ENDOU: variants seen among roughly 807,000 people sequenced by gnomAD.
The protein encoded by ENDOU is uridylate-specific endoribonuclease.
A neutral mutation model predicts 54.2 loss-of-function variants in ENDOU; 49 were observed. The ratio of observed to expected loss-of-function variants is 0.90; its 90% CI spans 0.72 to 1.15. The LOEUF is 1.15. ENDOU is among the 50% of genes most tolerant of loss of function. The pLI is 0.00. For synonymous variants in ENDOU, 172 were observed against 190.5 expected (o/e 0.90, Z 0.80); for missense variants, 458 against 511.4 (o/e 0.90, Z 1.01).
chr12:47,712,648 A>C (rs1196988035), intron 7 of ENDOU, 26 bp from the exon 8 acceptor site: 4 of 1,549,712 alleles, frequency 2.6e-6, no homozygotes, highest in Admixed American at 1.7e-5. Context: ...CAAGATGGAT[A>C]ATCTGGGCTC....
chr12:47,710,903 C>G lies in ENDOU; in HGVS notation c.1132G>C (p.Gly378Arg), dbSNP rs1342925692. 2 of 1,611,934 alleles carry G rather than the reference C, an allele frequency of 1.2e-6. No individual in the cohort carries two copies. The highest frequency in any genetic ancestry group is 1.7e-6 in the Non-Finnish European group (2 of 1,178,388). ...GTCCGGACAGCTAAGGGATATCCTC[C>G]CAGGCTTAACTGGCACCTGTGGGGA... is the stretch of plus-strand genomic sequence containing the variant. The part of the protein sequence containing the change: ...RPGKVCQLSL[G>R]GYPLAVRTYT... The change falls in exon 10 of 10, where the codon GGA becomes CGA. Residue 378 changes from glycine to arginine, a missense_variant. By Grantham distance (125) the Gly-to-Arg change is moderately radical. Coordinates refer to ENST00000422538, the MANE Select transcript of ENDOU (RefSeq NM_001172439.2).
chr12:47,723,922 C>T (rs1014455297), intron 1 of ENDOU, among the ~76,000 whole-genome samples: 5 of 152,192 alleles, frequency 3.3e-5, no homozygotes, highest in African/African-American at 1.2e-4. Flanking sequence ...CCATGTGATT[C>T]ATATTCTTGC....
At chr12:47,711,549 G>C in intron 9 of ENDOU, 84 bp downstream of exon 9, 1 of 1,469,334 alleles carries the variant, frequency 6.8e-7, no homozygotes, top group Non-Finnish European at 9.2e-7. Flanking sequence ...CTTTGTGGCA[G>C]AGTCCAGGTC....
rs775029149 is a variant in ENDOU at position 47,716,519 on chromosome 12, G to A, written c.552-20C>T. The A allele has an allele frequency of 6.2e-7, 1 of 1,609,982 alleles. No individual in the cohort carries two copies. Among genetic ancestry groups the A allele is most frequent in the Non-Finnish European group, 8.5e-7 (1 of 1,177,848 alleles). ...AAGAGTCTGGGGGAGGCAGAGGGGA[G>A]CCCCACTGAGAGCCCCAAACACAGG... is the stretch of plus-strand genomic sequence containing the variant. On this transcript the variant is annotated intron_variant, in intron 5 of 9. Transcript: ENST00000422538.
chr12:47,712,564 C>T lies in ENDOU; in HGVS notation c.924G>A (p.Glu308=), dbSNP rs1263536697. Residue 308 remains glutamate (E), a synonymous_variant, in exon 8 of 10, where the codon GAG becomes GAA. Transcript: ENST00000422538. Reference sequence around the variant, plus strand: ...AATAGTCAACCAGACCCTCCTTCTCCTCCAGGTAGAAGCGGATCCAGTTAT... The same window carrying T: ...AATAGTCAACCAGACCCTCCTTCTCTTCCAGGTAGAAGCGGATCCAGTTAT... ...GFHNWIRFYL[E]EKEGLVDYYS... 3.7e-6 allele frequency: 6 copies of T among 1,614,192 alleles called. No individual in the cohort carries two copies. The highest frequency in any genetic ancestry group is 3.4e-6 in the Non-Finnish European group (4 of 1,180,018).
chr12:47,721,577 A>G (rs1940434955), intron 1 of ENDOU, among the ~76,000 whole-genome samples: 6 of 151,990 alleles, frequency 3.9e-5, no homozygotes, highest in Admixed American at 3.9e-4. Context: ...CCGTCTTTGG[A>G]GTACATTCAG....
intron 6 of ENDOU, among the ~76,000 whole-genome samples, chr12:47,714,686 G>C (rs1940162129): frequency 6.6e-6 from 1 of 152,240 alleles, no homozygotes; most frequent in South Asian, 2.1e-4. Flanking sequence ...GGAAGACCCA[G>C]AGAGGAGCAG....
chr12:47,717,015 C>T lies in ENDOU; in HGVS notation c.426G>A (p.Gln142=), dbSNP rs1301045363. The change falls in exon 5 of 10, where the codon CAG becomes CAA. Residue 142 remains glutamine, a synonymous_variant. Coordinates refer to ENST00000422538, the MANE Select transcript of ENDOU (RefSeq NM_001172439.2). ...SSDAITKEEI[Q]SISEKIYRAD... ...CCCTGTAGATCTTCTCAGAGATGCT[C>T]TGAATCTCCTCTTTTGTTATGGCAT... 21 of 1,613,948 alleles carry T rather than the reference C, an allele frequency of 1.3e-5. No individual in the cohort carries two copies. Among genetic ancestry groups the T allele is most frequent in the Non-Finnish European group, 1.7e-5 (20 of 1,179,986 alleles).
chr12:47,724,322 A>ACTAT (rs2136695805), intron 1 of ENDOU, among the ~76,000 whole-genome samples: 1 of 152,246 alleles, frequency 6.6e-6, no homozygotes, highest in South Asian at 2.1e-4. Context: ...GGTAAGATGC[A>ACTAT]CTATCTCATC....
At chr12:47,714,011 G>T (rs1344628036) in intron 6 of ENDOU, among the ~76,000 whole-genome samples, 3 of 152,198 alleles carry the variant, frequency 2.0e-5, no homozygotes, top group African/African-American at 7.2e-5. Flanking sequence ...TCAAGCCATG[G>T]CAAGAAGGTC....
chr12:47,713,064 C>T (rs1179011609), intron 7 of ENDOU, among the ~76,000 whole-genome samples: 2 of 152,100 alleles, frequency 1.3e-5, no homozygotes, highest in East Asian at 3.9e-4. Flanking sequence ...TCTTCTTTCC[C>T]CCTTAGGTAC....
At position 47,710,871 on chromosome 12, in the gene ENDOU, G is replaced by C. The variant is rs780117311; in HGVS notation, c.1164C>G (p.Thr388=). The C allele has an allele frequency of 1.2e-6, 2 of 1,614,164 alleles. No homozygotes were observed. Among genetic ancestry groups the C allele is most frequent in the Non-Finnish European group, 8.5e-7 (1 of 1,180,002 alleles). Reference sequence around the variant, plus strand: ...CATTCCCATAGGTGGACTTGTCCCAGGTATATGTCCGGACAGCTAAGGGAT... The same window carrying C: ...CATTCCCATAGGTGGACTTGTCCCACGTATATGTCCGGACAGCTAAGGGAT... ...GGYPLAVRTY[T]WDKSTYGNGK... The change falls in exon 10 of 10, where the codon ACC becomes ACG. Residue 388 remains threonine (T), a synonymous_variant. Transcript: ENST00000422538.
rs997743573 is a variant in ENDOU at position 47,725,471 on chromosome 12, G to A, written c.-58C>T. The A allele has an allele frequency of 3.3e-6, 5 of 1,515,986 alleles. No homozygotes were observed. The African/African-American group carries it at 4.1e-5, about 12-fold the overall frequency. The allele number at this position is 1,515,986 out of a possible 1,614,324, so 93.9% of individuals were successfully genotyped here. ...TGTTGGACTTTCACTAGAGTCAGATGAATGTCACAGCTCTCAGACGAGCCT... is the reference window on the plus strand; with the variant it reads ...TGTTGGACTTTCACTAGAGTCAGATAAATGTCACAGCTCTCAGACGAGCCT... On this transcript the variant is annotated 5_prime_UTR_variant, in exon 1 of 10. Coordinates refer to ENST00000422538, the MANE Select transcript of ENDOU (RefSeq NM_001172439.2).
intron 2 of ENDOU, among the ~76,000 whole-genome samples, chr12:47,718,927 G>C (rs140859464): frequency 6.8e-4 from 104 of 152,220 alleles, no homozygotes; most frequent in Admixed American, 2.2e-3. Flanking sequence ...AAGTGATTCA[G>C]AATCTACTAG....
At position 47,720,828 on chromosome 12, in the gene ENDOU, C is replaced by A. The variant is rs190810459; in HGVS notation, c.103G>T (p.Asp35Tyr). The change falls in exon 2 of 10, where the codon GAC becomes TAC. Residue 35 changes from aspartate to tyrosine, a missense_variant. By Grantham distance (160) the Asp-to-Tyr change is radical (BLOSUM62 -3). Coordinates refer to ENST00000422538, the MANE Select transcript of ENDOU (RefSeq NM_001172439.2). ...ASRCNEKFNRDAACQCDRRCL... is the reference protein window; with the variant it reads ...ASRCNEKFNRYAACQCDRRCL... ...CGGCGGTCACACTGGCAGGCAGCGT[C>A]CCGGTTAAATTTCTCATTACATCGA... is the stretch of plus-strand genomic sequence containing the variant. The A allele has an allele frequency of 7.4e-3, 11,419 of 1,536,098 alleles. 69 individuals are homozygous for A. Among genetic ancestry groups the A allele is most frequent in the Non-Finnish European group, 8.9e-3 (10,259 of 1,146,902 alleles).
chr12:47,717,789 C>A, intron 3 of ENDOU, 134 bp from the exon 4 acceptor site: 1 of 917,512 alleles, frequency 1.1e-6, no homozygotes. Context: ...AACAAACAAA[C>A]CTAATTCGTG....
chr12:47,715,788 C>T (rs536174114), intron 6 of ENDOU, among the ~76,000 whole-genome samples: 7 of 152,332 alleles, frequency 4.6e-5, no homozygotes, highest in African/African-American at 1.4e-4. Context: ...CAACTCTTCC[C>T]GATAGGACTT....
At chr12:47,714,980 T>A (rs1940175084) in intron 6 of ENDOU, among the ~76,000 whole-genome samples, 1 of 152,206 alleles carries the variant, frequency 6.6e-6, no homozygotes, top group Non-Finnish European at 1.5e-5. Context: ...TAGTTCCCCT[T>A]ACTGAGCAAG....
chr12:47,718,105 C>G (rs201198778), intron 3 of ENDOU, 24 bp downstream of exon 3: 1 of 1,553,408 alleles, frequency 6.4e-7, no homozygotes, highest in Non-Finnish European at 8.7e-7. Flanking sequence ...TCTTGAGGGC[C>G]CCCCTTTGGG....
Sources: allele counts gnomAD v4.1 joint callset (sites outside exome capture counted in the v4.1 genomes callset), GRCh38; gene constraint gnomAD v4.1.1; transcripts MANE v1.5; gene names NCBI Gene and HGNC (gene_info 2026-07-23, HGNC 2026-07-21).